Variants in BMPR1B observed in about 807,000 individuals in gnomAD.
BMPR1B encodes the protein bone morphogenetic protein receptor type 1B, also known as bone morphogenetic protein receptor type-1B.
BMPR1B carries 12 observed loss-of-function variants against 59.1 expected under a neutral mutation model. The observed-to-expected ratio is 0.20, with a 90% confidence interval of 0.13 to 0.33. The LOEUF (loss-of-function observed/expected upper bound fraction) is 0.33. BMPR1B is among the 10% of genes least tolerant of loss of function. The pLI, the probability that BMPR1B is intolerant of heterozygous loss-of-function variation, is 1.00. For missense variants in BMPR1B, 550 were observed against 610.9 expected, an observed-to-expected ratio of 0.90 and a Z score of 1.05; for synonymous variants, 237 against 207.3, an observed-to-expected ratio of 1.14 and a Z score of -1.23.
rs571827495 is a variant in BMPR1B, at chr4:94,899,054, A to G, written c.-113+23154A>G. On this transcript the variant is annotated intron_variant, in intron 2 of 12. Coordinates refer to ENST00000515059, the MANE Select transcript of BMPR1B (RefSeq NM_001203.3). The stretch of plus-strand genomic sequence containing the variant: ...CAACCCCTGGATGTTCTAGGAGGTA[A>G]CTCATTCCTTGCCTTATCCAGCCTC... Among the ~76,000 whole-genome samples the G allele has an allele frequency of 9.7e-4, 147 of 152,064 alleles. 1 individual carries two copies. The highest frequency in any genetic ancestry group is 3.0e-3 in the African/African-American group (125 of 41,516).
intron 10 of BMPR1B, among the ~76,000 whole-genome samples, chr4:95,146,245 T>C (rs1734634897): frequency 6.6e-6 from 1 of 152,140 alleles, no homozygotes; most frequent in African/African-American, 2.4e-5. Flanking sequence ...TGAACATGCA[T>C]ATGTATTTAA....
At chr4:95,128,494 A>G (rs1033092353) in intron 8 of BMPR1B, among the ~76,000 whole-genome samples, 1 of 152,172 alleles carries the variant, frequency 6.6e-6, no homozygotes, top group Non-Finnish European at 1.5e-5. Context: ...CAAATATTTT[A>G]CTGTAAGTAC....
chr4:94,923,978 C>T (rs979730185), intron 2 of BMPR1B, among the ~76,000 whole-genome samples: 1 of 152,038 alleles, frequency 6.6e-6, no homozygotes, highest in African/African-American at 2.4e-5. Context: ...GGGTTGCTTC[C>T]AGTTATTATA....
intron 2 of BMPR1B, among the ~76,000 whole-genome samples, chr4:94,894,422 C>G: frequency 6.8e-6 from 1 of 148,072 alleles, no homozygotes; most frequent in Non-Finnish European, 1.5e-5. Flanking sequence ...ACAAACATAG[C>G]CATTATGGCC....
At position 94,948,432 on chromosome 4, in the gene BMPR1B, A is replaced by C. The variant is rs75961597; in HGVS notation, c.-112-47608A>C. Reference sequence around the variant, plus strand: ...GTGACCAGAAATTCTCAGGTTTCCAAGCCAAATATATGAAAGTCAAGCACA... The same window carrying C: ...GTGACCAGAAATTCTCAGGTTTCCACGCCAAATATATGAAAGTCAAGCACA... On this transcript the variant is annotated intron_variant, in intron 2 of 12. Coordinates refer to ENST00000515059, the MANE Select transcript of BMPR1B (RefSeq NM_001203.3). 7.5e-3 allele frequency among the ~76,000 whole-genome samples: 1,142 copies of C among 152,306 alleles called. 14 individuals are homozygous for C. Among genetic ancestry groups the C allele is most frequent in the African/African-American group, 0.023 (972 of 41,560 alleles).
At chr4:94,786,625 G>A (rs772483138) in intron 1 of BMPR1B, among the ~76,000 whole-genome samples, 2 of 152,064 alleles carry the variant, frequency 1.3e-5, no homozygotes, top group East Asian at 1.9e-4. Context: ...TGCAAGCTCC[G>A]CCTCCCGGAT....
At chr4:95,138,792 C>G (rs963764886) in intron 10 of BMPR1B, among the ~76,000 whole-genome samples, 5 of 152,278 alleles carry the variant, frequency 3.3e-5, no homozygotes, top group African/African-American at 9.6e-5. Flanking sequence ...GCTGTTTATT[C>G]TAGTTAGCCA....
intron 3 of BMPR1B, among the ~76,000 whole-genome samples, chr4:95,065,125 C>A (rs1408181475): frequency 1.3e-5 from 2 of 152,102 alleles, no homozygotes; most frequent in African/African-American, 4.8e-5. Flanking sequence ...ATTACTAATA[C>A]AAACTGTTGT....
intron 10 of BMPR1B, among the ~76,000 whole-genome samples, chr4:95,132,470 T>TA (rs924073297): frequency 4.7e-4 from 72 of 152,268 alleles, no homozygotes; most frequent in African/African-American, 1.4e-3. Context: ...ACCCCAAATA[T>TA]ATGAAGGTCT....
intron 11 of BMPR1B, among the ~76,000 whole-genome samples, chr4:95,150,057 A>G (rs949125985): frequency 4.6e-5 from 7 of 152,224 alleles, no homozygotes; most frequent in Non-Finnish European, 1.0e-4. Flanking sequence ...AAGAAGAAAC[A>G]GTTAATCAAC....
intron 3 of BMPR1B, among the ~76,000 whole-genome samples, chr4:95,064,384 G>A (rs1435620843): frequency 1.3e-5 from 2 of 152,070 alleles, no homozygotes; most frequent in East Asian, 1.9e-4. Context: ...GAGAGCAAAC[G>A]CTGTTGTGAA....
At chr4:94,900,105 A>G (rs1480526830) in intron 2 of BMPR1B, among the ~76,000 whole-genome samples, 1 of 151,782 alleles carries the variant, frequency 6.6e-6, no homozygotes, top group Non-Finnish European at 1.5e-5. Context: ...ACAAGATTGG[A>G]ATGAAAACAG....
At chr4:94,835,893 A>C (rs547654026) in intron 1 of BMPR1B, among the ~76,000 whole-genome samples, 1 of 117,932 alleles carries the variant, frequency 8.5e-6, no homozygotes. Flanking sequence ...ATATCTCCCA[A>C]TGCTATCCCT....
At chr4:94,849,810 G>GTGTGTA (rs1209004952) in intron 1 of BMPR1B, among the ~76,000 whole-genome samples, 5 of 151,930 alleles carry the variant, frequency 3.3e-5, no homozygotes, top group African/African-American at 1.2e-4. Flanking sequence ...GTGTGTGTGT[G>GTGTGTA]TGTGTGTGTG....
chr4:94,811,974 A>G (rs1723834951), intron 1 of BMPR1B, among the ~76,000 whole-genome samples: 1 of 152,202 alleles, frequency 6.6e-6, no homozygotes, highest in South Asian at 2.1e-4. Flanking sequence ...CAGCTTGAAA[A>G]TGTGAAAATA....
intron 1 of BMPR1B, among the ~76,000 whole-genome samples, chr4:94,819,098 T>C (rs1428760937): frequency 6.6e-6 from 1 of 152,178 alleles, no homozygotes; most frequent in Non-Finnish European, 1.5e-5. Context: ...TTTGTGCTAC[T>C]GCACTCCAGC....
At chr4:95,055,161 T>C (rs1396254232) in intron 3 of BMPR1B, among the ~76,000 whole-genome samples, 2 of 152,144 alleles carry the variant, frequency 1.3e-5, no homozygotes, top group Non-Finnish European at 2.9e-5. Context: ...CTGTACAGTT[T>C]TATATAACCT....
intron 2 of BMPR1B, among the ~76,000 whole-genome samples, chr4:94,926,875 T>C (rs1467331819): frequency 6.6e-6 from 1 of 152,182 alleles, no homozygotes; most frequent in African/African-American, 2.4e-5. Flanking sequence ...CAAAAATGTG[T>C]AATTTAAACT....
intron 1 of BMPR1B, among the ~76,000 whole-genome samples, chr4:94,843,852 G>C (rs1222015977): frequency 6.6e-6 from 1 of 152,074 alleles, no homozygotes; most frequent in Non-Finnish European, 1.5e-5. Flanking sequence ...TCCTGCTCTG[G>C]TCAGTTTCCT....
Sources: allele counts gnomAD v4.1 joint callset (sites outside exome capture counted in the v4.1 genomes callset), GRCh38; gene constraint gnomAD v4.1.1; transcripts MANE v1.5; gene names NCBI Gene and HGNC (gene_info 2026-07-23, HGNC 2026-07-21).